Variants in ANKRD36B observed in about 807,000 individuals in gnomAD.
ANKRD36B encodes the protein ankyrin repeat domain 36B.
A neutral mutation model predicts 135.7 loss-of-function variants in ANKRD36B; 37 were observed. The ratio of observed to expected loss-of-function variants is 0.27; its 90% CI spans 0.21 to 0.36. ANKRD36B has a LOEUF of 0.36. Among genes scored for constraint, ANKRD36B ranks in the 10% least tolerant of loss-of-function variants. The pLI is 1.00. For missense variants in ANKRD36B, 549 were observed against 1,037.1 expected (o/e 0.53, Z 6.46); for synonymous variants, 179 against 348.1 (o/e 0.51, Z 5.41).
At chr2:97,535,884 G>A (rs2078861386) in intron 34 of ANKRD36B, among the ~76,000 whole-genome samples, 2 of 92,726 alleles carry the variant, frequency 2.2e-5, no homozygotes, top group South Asian at 4.8e-4. Flanking sequence ...TGACCAACAT[G>A]GAGAAAGCCT....
rs1417012250 is a variant in ANKRD36B, at chr2:97,527,943, C to A, written c.2265+4368G>T. Among the ~76,000 whole-genome samples, 51 of 95,836 alleles carry A rather than the reference C, an allele frequency of 5.3e-4. 12 individuals carry two copies. Among genetic ancestry groups the A allele is most frequent in the African/African-American group, 1.6e-3 (51 of 31,780 alleles). 62.9% of individuals were successfully genotyped at this position (95,836 alleles called of 152,430 possible). On this transcript the variant is annotated intron_variant, in intron 35 of 43. Transcript: ENST00000359901. Reference sequence around the variant, plus strand: ...CTACAAAGAGACTTAGACTCCCACACAATAATAATGGGAGACTTTAACATC... The same window carrying A: ...CTACAAAGAGACTTAGACTCCCACAAAATAATAATGGGAGACTTTAACATC...
intron 32 of ANKRD36B, among the ~76,000 whole-genome samples, chr2:97,537,658 C>A (rs1299554445): frequency 1.0e-5 from 1 of 95,550 alleles, no homozygotes; most frequent in African/African-American, 3.1e-5. Flanking sequence ...CCAAAATTAC[C>A]TAAATAACTT....
intron 3 of ANKRD36B, among the ~76,000 whole-genome samples, chr2:97,582,495 G>A (rs1267252031): frequency 6.6e-6 from 1 of 151,882 alleles, no homozygotes; most frequent in African/African-American, 2.4e-5. Flanking sequence ...ATGCCTCATA[G>A]AAAGGGGCAA....
At chr2:97,561,915 C>T (rs1187359092) in intron 6 of ANKRD36B, among the ~76,000 whole-genome samples, 1 of 151,976 alleles carries the variant, frequency 6.6e-6, no homozygotes, top group Non-Finnish European at 1.5e-5. Context: ...CCAATTCTAT[C>T]ACTCTTTCCT....
Position 97,580,352 on chromosome 2 carries a change from A to G in ANKRD36B, c.557+110T>C, listed in dbSNP as rs1043181023. 1.2e-4 allele frequency: 118 copies of G among 960,646 alleles called. 1 individual carries two copies. Among genetic ancestry groups the G allele is most frequent in the Admixed American group, 3.4e-4 (11 of 32,036 alleles). The allele number at this position is 960,646 out of a possible 1,614,324, so 59.5% of individuals were successfully genotyped here. A position where few individuals can be genotyped will look rare whatever the true frequency, so the allele number is the denominator to read the frequency against. On this transcript the variant is annotated intron_variant, in intron 4 of 43. Coordinates refer to ENST00000359901, the MANE Select transcript of ANKRD36B (RefSeq NM_001393939.1). ...TGATATTTCTCACTATATCCCAGTA[A>G]TTAAAAGTTAGTCTTCTTACTAATG...
At chr2:97,564,410 T>G (rs1454217489) in intron 6 of ANKRD36B, among the ~76,000 whole-genome samples, 2 of 152,194 alleles carry the variant, frequency 1.3e-5, no homozygotes, top group African/African-American at 4.8e-5. Context: ...TTTTGGCTTT[T>G]GTTGACATTG....
chr2:97,496,770 CGT>C lies in ANKRD36B; in HGVS notation c.*7-3917_*7-3916del, dbSNP rs111937140. Among the ~76,000 whole-genome samples, 44 of 74,164 alleles carry C rather than the reference CGT, an allele frequency of 5.9e-4. 2 individuals carry two copies. In the South Asian group the frequency reaches 6.0e-3, roughly 10 times the overall value. 48.7% of individuals were successfully genotyped at this position (74,164 alleles called of 152,430 possible). ...CTGTTGAGACCTATTGTCCAGAAAA[CGT>C]GTGTGTGTGTGTGTTTGTGTGTGTG... On this transcript the variant is annotated intron_variant, in intron 43 of 43. Transcript: ENST00000359901.
intron 1 of ANKRD36B, among the ~76,000 whole-genome samples, chr2:97,586,982 T>G (rs1012417236): frequency 6.6e-6 from 1 of 152,182 alleles, no homozygotes; most frequent in Admixed American, 6.5e-5. Context: ...GAGACCAGCC[T>G]GGTCAACATG....
Position 97,516,192 on chromosome 2 carries a change from TA to T in ANKRD36B, c.2408-248del, listed in dbSNP as rs1159226772. Among the ~76,000 whole-genome samples, 262 of 33,520 alleles carry T rather than the reference TA, an allele frequency of 7.8e-3. 15 individuals are homozygous for T. The highest frequency in any genetic ancestry group is 0.021 in the Middle Eastern group (1 of 48). 22.0% of individuals were successfully genotyped at this position (33,520 alleles called of 152,430 possible). A position where few individuals can be genotyped will look rare whatever the true frequency, so the allele number is the denominator to read the frequency against. On this transcript the variant is annotated intron_variant, in intron 36 of 43. Transcript: ENST00000359901. ...CAGTTATAAACTCAGATAGGTCCTG[TA>T]AAAAAAAAAAAAAAAAAAAAACATA...
intron 37 of ANKRD36B, among the ~76,000 whole-genome samples, chr2:97,514,440 TTTAGAG>T (rs1361390562): frequency 1.2e-5 from 1 of 85,764 alleles, no homozygotes; most frequent in Non-Finnish European, 2.5e-5. Flanking sequence ...GGATGAATCA[TTTAGAG>T]TTAATTAACA....
At position 97,545,838 on chromosome 2, in the gene ANKRD36B, A is replaced by C; in HGVS notation, c.1603T>G (p.Leu535Val). 2.1e-6 allele frequency: 2 copies of C among 961,276 alleles called. 1 individual carries two copies. 59.5% of individuals were successfully genotyped at this position (961,276 alleles called of 1,614,324 possible). ...ACAAAAGAGAGTTTAATTACCTTCAAGGATGGTTGTTTATGAGAAGACACT... is the reference window on the plus strand; with the variant it reads ...ACAAAAGAGAGTTTAATTACCTTCACGGATGGTTGTTTATGAGAAGACACT... ...RRVSSHKQPS[L>V]KATSDKEDSV... The change falls in exon 23 of 44, where the codon TTG (leucine) becomes GTG (valine). Residue 535 changes from leucine (L) to valine (V), a missense_variant. Transcript: ENST00000359901.
chr2:97,570,439 A>G (rs2081764787), intron 6 of ANKRD36B, among the ~76,000 whole-genome samples: 1 of 152,242 alleles, frequency 6.6e-6, no homozygotes, highest in African/African-American at 2.4e-5. Context: ...TGAGAAAAGT[A>G]GCTCACTGTA....
At chr2:97,529,852 G>C (rs1236788793) in intron 35 of ANKRD36B, among the ~76,000 whole-genome samples, 1 of 95,642 alleles carries the variant, frequency 1.0e-5, no homozygotes, top group African/African-American at 3.1e-5. Flanking sequence ...TACAAGGGAC[G>C]TGAAGGACCT....
At position 97,554,943 on chromosome 2, in the gene ANKRD36B, T is replaced by G. The variant is rs578084011; in HGVS notation, c.1171+117A>C. On this transcript the variant is annotated intron_variant, in intron 14 of 43. Coordinates refer to ENST00000359901, the MANE Select transcript of ANKRD36B (RefSeq NM_001393939.1). ...GAACTTATTACAGATGAAGAATCTC[T>G]GGCCTGCTGAATCAGAATGTGCAGC... 57 of 1,312,742 alleles carry G rather than the reference T, an allele frequency of 4.3e-5. No individual in the cohort carries two copies. The South Asian group carries it at 5.3e-4, about 12-fold the overall frequency. The allele number at this position is 1,312,742 out of a possible 1,614,324, so 81.3% of individuals were successfully genotyped here.
At chr2:97,557,790 G>A (rs1484095168) in intron 10 of ANKRD36B, among the ~76,000 whole-genome samples, 14 of 149,606 alleles carry the variant, frequency 9.4e-5, no homozygotes, top group African/African-American at 2.4e-4. Context: ...TCATCCACTC[G>A]TGGCAACAAA....
intron 35 of ANKRD36B, among the ~76,000 whole-genome samples, chr2:97,530,155 T>C (rs1489806133): frequency 3.1e-5 from 3 of 95,850 alleles, no homozygotes; most frequent in African/African-American, 9.4e-5. Flanking sequence ...CTTCAAACTA[T>C]ACTACAAGGC....
In ANKRD36B at chr2:97,549,431, T is replaced by G. The variant is rs2079822698; in HGVS notation, c.1465A>C (p.Lys489Gln). ...TTTTCAAAATTACCTGTCCTAGATT[T>G]TTCTCCATCCTTTTTTTCTCTGGCT... ...NIAREKKDGE[K>Q]SRTVSFEQPP... The change falls in exon 20 of 44, where the codon AAA (lysine) becomes CAA (glutamine). Residue 489 changes from lysine to glutamine, a missense_variant. Transcript: ENST00000359901. The G allele has an allele frequency of 1.3e-6, 2 of 1,568,980 alleles. No individual in the cohort carries two copies. Among genetic ancestry groups the G allele is most frequent in the African/African-American group, 1.3e-5 (1 of 74,404 alleles).
chr2:97,558,315 T>C (rs1251573774), intron 10 of ANKRD36B, among the ~76,000 whole-genome samples: 2 of 152,052 alleles, frequency 1.3e-5, no homozygotes, highest in African/African-American at 4.8e-5. Flanking sequence ...ATTACATAAA[T>C]AACTTCTTAT....
intron 1 of ANKRD36B, among the ~76,000 whole-genome samples, chr2:97,588,447 A>G (rs2083180245): frequency 6.6e-6 from 1 of 151,838 alleles, no homozygotes; most frequent in South Asian, 2.1e-4. Context: ...TGTTCCATTC[A>G]CTGATTTGTT....
Sources: allele counts gnomAD v4.1 joint callset (sites outside exome capture counted in the v4.1 genomes callset), GRCh38; gene constraint gnomAD v4.1.1; transcripts MANE v1.5; gene names NCBI Gene and HGNC (gene_info 2026-07-23, HGNC 2026-07-21).